The following RERE variants were observed in gnomAD, a reference collection of about 807,000 sequenced individuals.
The protein encoded by RERE is arginine-glutamic acid dipeptide repeats protein.
In RERE, 40 loss-of-function variants were observed where a neutral mutation model predicts 146.1. That is an observed-to-expected ratio of 0.27 (90% CI 0.21 to 0.36). RERE has a LOEUF of 0.36. Ranked by LOEUF, RERE falls within the 10% of genes least tolerant of loss-of-function variation. The probability of loss-of-function intolerance (pLI) is 1.00; values close to 1 mark genes in which losing one functional copy is unlikely to be tolerated. For synonymous variants in RERE, 1,003 were observed against 866.0 expected, an observed-to-expected ratio of 1.16 and a Z score of -2.78; for missense variants, 1,933 against 2,138.7, an observed-to-expected ratio of 0.90 and a Z score of 1.90.
intron 1 of RERE, among the ~76,000 whole-genome samples, chr1:8,815,159 AG>A (rs1489237342): frequency 6.6e-6 from 1 of 152,228 alleles, no homozygotes; most frequent in East Asian, 1.9e-4. Flanking sequence ...CAGGTGGACT[AG>A]CCTATTCCCT....
intron 8 of RERE, among the ~76,000 whole-genome samples, chr1:8,507,149 T>G (rs1645260636): frequency 6.6e-6 from 1 of 152,126 alleles, no homozygotes; most frequent in Non-Finnish European, 1.5e-5. Context: ...GGCACATGCC[T>G]TTAGTCCCAG....
chr1:8,544,136 G>A (rs1353402726), intron 6 of RERE, among the ~76,000 whole-genome samples: 1 of 152,144 alleles, frequency 6.6e-6, no homozygotes, highest in African/African-American at 2.4e-5. Context: ...CTCCTTTAGA[G>A]TTAATAGTTT....
intron 2 of RERE, among the ~76,000 whole-genome samples, chr1:8,650,875 G>A (rs1199285158): frequency 2.7e-5 from 4 of 145,798 alleles, no homozygotes; most frequent in South Asian, 2.2e-4. Flanking sequence ...CCAGCCTGGC[G>A]ACAGAGTGAG....
At position 8,746,876 on chromosome 1, in the gene RERE, A is replaced by AAG. The variant is rs201913344; in HGVS notation, c.-145+70282_-145+70283dup. Among the ~76,000 whole-genome samples, 354 of 145,330 alleles carry AAG rather than the reference A, an allele frequency of 2.4e-3. 3 individuals are homozygous for AAG. The highest frequency in any genetic ancestry group is 4.1e-3 in the East Asian group (20 of 4,840). ...AGAGAAGAGAGATGGGGGAACAAAA[A>AAG]AGAGAGAGAGAGAGAGAGAGAGAAA... On this transcript the variant is annotated intron_variant, in intron 1 of 22. Transcript: ENST00000400908.
intron 1 of RERE, among the ~76,000 whole-genome samples, chr1:8,698,314 C>T (rs1297786649): frequency 6.7e-6 from 1 of 150,314 alleles, no homozygotes; most frequent in Non-Finnish European, 1.5e-5. Context: ...CTTTCACTGT[C>T]ATTTTATTAA....
chr1:8,403,303 T>C (rs1017418306), intron 12 of RERE, among the ~76,000 whole-genome samples: 1 of 152,214 alleles, frequency 6.6e-6, no homozygotes, highest in African/African-American at 2.4e-5. Flanking sequence ...ATAAAACTTT[T>C]CACAGTAGCC....
chr1:8,506,048 T>G (rs1488389150), intron 8 of RERE, among the ~76,000 whole-genome samples: 1 of 152,128 alleles, frequency 6.6e-6, no homozygotes, highest in Non-Finnish European at 1.5e-5. Flanking sequence ...AACTACATTT[T>G]CTTTTATGGT....
chr1:8,380,922 T>A (rs1287070049), intron 12 of RERE: 1 of 456,520 alleles, frequency 2.2e-6, no homozygotes, highest in Non-Finnish European at 4.4e-6. Context: ...GGAGCCTCCA[T>A]CTCCTACCAC....
chr1:8,524,676 T>A (rs921705379), intron 7 of RERE, among the ~76,000 whole-genome samples: 3 of 152,214 alleles, frequency 2.0e-5, no homozygotes, highest in African/African-American at 7.2e-5. Context: ...AACAGTATAA[T>A]TCAAAAACTT....
At chr1:8,435,144 G>A (rs1207108174) in intron 11 of RERE, among the ~76,000 whole-genome samples, 1 of 152,182 alleles carries the variant, frequency 6.6e-6, no homozygotes, top group Non-Finnish European at 1.5e-5. Context: ...AAACAAATAA[G>A]CAATCTTCCA....
chr1:8,410,789 T>C (rs1365355682), intron 12 of RERE, among the ~76,000 whole-genome samples: 1 of 152,204 alleles, frequency 6.6e-6, no homozygotes, highest in Non-Finnish European at 1.5e-5. Context: ...TACTATTTAA[T>C]ATCCACACTA....
Position 8,516,334 on chromosome 1 carries a change from C to T in RERE, c.831-7659G>A, listed in dbSNP as rs561699782. Among the ~76,000 whole-genome samples the T allele has an allele frequency of 2.0e-5, 3 of 150,974 alleles. No homozygotes were observed. In the South Asian group the frequency reaches 6.3e-4, roughly 32 times the overall value. ...TACTAAGTGCTTTCTATGCTGGGCA[C>T]ATATTATTTCATTATTCCACGACAA... On this transcript the variant is annotated intron_variant, in intron 7 of 22. Coordinates refer to ENST00000400908, the MANE Select transcript of RERE (RefSeq NM_001042681.2).
Position 8,364,225 on chromosome 1 carries a change from T to C in RERE, c.1571A>G (p.Glu524Gly). 3.7e-6 allele frequency: 6 copies of C among 1,614,142 alleles called. No individual in the cohort carries two copies. Among genetic ancestry groups the C allele is most frequent in the Non-Finnish European group, 5.1e-6 (6 of 1,180,022 alleles). The change falls in exon 15 of 23, where the codon GAG (glutamate) becomes GGG (glycine). Residue 524 changes from glutamate (E) to glycine (G), a missense_variant. By Grantham distance (98) the Glu-to-Gly change is moderately conservative. This residue lies in a region of RERE where 260 missense variants were observed against 378.4 expected (regional missense o/e 0.69). Coordinates refer to ENST00000400908, the MANE Select transcript of RERE (RefSeq NM_001042681.2). The surrounding 1 kb of genome is among the most constrained non-coding windows in gnomAD (Gnocchi z 5.1). ...ACAGTCGGTGCAAAGCAGGATGTTC[T>C]CCCGGCCTCCGTGGTGCCAATCTTT... ...TSKDWHHGGRENILLCTDCRI... is the reference protein window; with the variant it reads ...TSKDWHHGGRGNILLCTDCRI...
intron 10 of RERE, 61 bp from the exon 11 acceptor site, chr1:8,466,084 T>C (rs1644593028): frequency 3.7e-6 from 5 of 1,351,256 alleles, no homozygotes; most frequent in Non-Finnish European, 5.1e-6. Flanking sequence ...ACACAATCGA[T>C]CCAAGGCAAG....
intron 1 of RERE, among the ~76,000 whole-genome samples, chr1:8,697,858 A>C (rs1272069632): frequency 6.6e-6 from 1 of 152,216 alleles, no homozygotes; most frequent in Non-Finnish European, 1.5e-5. Flanking sequence ...CTTGTATTAA[A>C]TCTTTGGAAT....
At chr1:8,585,239 T>G (rs907360767) in intron 4 of RERE, among the ~76,000 whole-genome samples, 2 of 151,840 alleles carry the variant, frequency 1.3e-5, no homozygotes, top group Non-Finnish European at 2.9e-5. Flanking sequence ...AGAAAAGAGA[T>G]AGAGATGGAA....
chr1:8,607,762 G>A (rs1646739692), intron 4 of RERE, among the ~76,000 whole-genome samples: 1 of 131,196 alleles, frequency 7.6e-6, no homozygotes, highest in Admixed American at 8.8e-5. Context: ...GTCTGGCTCT[G>A]TTGCCCAGGC....
chr1:8,694,975 G>GGGC (rs971301955), intron 1 of RERE, among the ~76,000 whole-genome samples: 1 of 133,196 alleles, frequency 7.5e-6, no homozygotes, highest in Admixed American at 7.4e-5. Context: ...AAATCCTAAG[G>GGGC]GGGGGGGGGG....
chr1:8,524,272 C>T (rs1645543723), intron 7 of RERE, among the ~76,000 whole-genome samples: 1 of 152,150 alleles, frequency 6.6e-6, no homozygotes, highest in Non-Finnish European at 1.5e-5. Context: ...TAAACGCACA[C>T]CCTAAATTAT....
Sources: gnomAD v4.1 joint callset for allele counts (sites outside exome capture counted in the v4.1 genomes callset) on GRCh38, gnomAD v4.1.1 for gene constraint, gnomAD v4.1.1 regional missense constraint, Gnocchi (gnomAD v3.1) non-coding constraint, MANE v1.5 for transcripts, NCBI Gene and HGNC (gene_info 2026-07-23, HGNC 2026-07-21) for gene names.